Variants in SUSD6 observed in about 807,000 individuals in gnomAD.
SUSD6 encodes sushi domain-containing protein 6.
Under a neutral mutation model 28.4 loss-of-function variants are expected in SUSD6, and 16 were observed. The observed-to-expected ratio is 0.56, with a 90% confidence interval of 0.38 to 0.86. The LOEUF (loss-of-function observed/expected upper bound fraction) is 0.86. Ranked by LOEUF, SUSD6 falls within the 40% of genes least tolerant of loss-of-function variation. The pLI, the probability that SUSD6 is intolerant of heterozygous loss-of-function variation, is 0.00. For synonymous variants in SUSD6, 147 were observed against 159.6 expected (o/e 0.92, Z 0.59); for missense variants, 341 against 384.2 (o/e 0.89, Z 0.94).
At chr14:69,695,588 T>A (rs1017724289) in intron 2 of SUSD6, among the ~76,000 whole-genome samples, 3 of 152,182 alleles carry the variant, frequency 2.0e-5, no homozygotes, top group Non-Finnish European at 2.9e-5. Context: ...TGTGGCTCCC[T>A]TGACAGATTA....
intron 1 of SUSD6, among the ~76,000 whole-genome samples, chr14:69,617,862 G>T (rs1215546212): frequency 2.0e-5 from 3 of 152,190 alleles, no homozygotes; most frequent in Non-Finnish European, 4.4e-5. Context: ...TAGGGAGGAG[G>T]GAGAGGGTCT....
Position 69,711,119 on chromosome 14 carries a change from G to T in SUSD6, c.*140G>T. 1.3e-6 allele frequency: 1 copy of T among 752,508 alleles called. No individual in the cohort carries two copies. The highest frequency in any genetic ancestry group is 2.3e-6 in the Non-Finnish European group (1 of 442,084). The allele number at this position is 752,508 out of a possible 1,614,324, so 46.6% of individuals were successfully genotyped here. A position where few individuals can be genotyped will look rare whatever the true frequency, so the allele number is the denominator to read the frequency against. ...CCTGTGTATCTGTGTATCTCTGAGG[G>T]CCCTATAGGCCCACCTTGCTGGAAA... On this transcript the variant is annotated 3_prime_UTR_variant, in exon 6 of 6. Transcript: ENST00000342745.
chr14:69,708,758 T>C lies in SUSD6; in HGVS notation c.540T>C (p.Ala180=), dbSNP rs763439003. ...TTGCACTACCATCATACGAGGAGGC[T>C]GTATATGGCAGTTCTGGTCACTGTG... ...VQVALPSYEE[A]VYGSSGHCVP... is the part of the protein sequence containing the mutation. Residue 180 remains alanine, a synonymous_variant, in exon 5 of 6, where the codon GCT becomes GCC. Transcript: ENST00000342745. 1.2e-6 allele frequency: 2 copies of C among 1,613,678 alleles called. No homozygotes were observed. The highest frequency in any genetic ancestry group is 2.7e-5 in the African/African-American group (2 of 74,914).
At chr14:69,664,168 G>A (rs1885704546) in intron 2 of SUSD6, among the ~76,000 whole-genome samples, 1 of 152,062 alleles carries the variant, frequency 6.6e-6, no homozygotes, top group African/African-American at 2.4e-5. Flanking sequence ...TTTTGGTGGA[G>A]ATGGGGTTTC....
rs995232268 is a variant in SUSD6 at position 69,713,175 on chromosome 14, T to G, written c.*2196T>G. 6.6e-6 allele frequency: 1 copy of G among 152,242 alleles called. No individual in the cohort carries two copies. Among genetic ancestry groups the G allele is most frequent in the African/African-American group, 2.4e-5 (1 of 41,460 alleles). 9.4% of individuals were successfully genotyped at this position (152,242 alleles called of 1,614,324 possible). A position where few individuals can be genotyped will look rare whatever the true frequency, so the allele number is the denominator to read the frequency against. ...CTGGGGTTTTGTCCCCCTAAGAGAT[T>G]GCACTTTTTGTTTGGGGTTTATTCA... On this transcript the variant is annotated 3_prime_UTR_variant, in exon 6 of 6. Transcript: ENST00000342745.
intron 1 of SUSD6, 52 bp from the exon 2 acceptor site, chr14:69,658,461 A>T (rs1595045113): frequency 2.1e-6 from 2 of 931,744 alleles, no homozygotes; most frequent in South Asian, 1.8e-5. Flanking sequence ...GGCTGCTTTT[A>T]ACTAACTTAT....
intron 2 of SUSD6, among the ~76,000 whole-genome samples, chr14:69,697,694 T>C (rs1397759663): frequency 6.6e-6 from 1 of 152,230 alleles, no homozygotes; most frequent in East Asian, 1.9e-4. Flanking sequence ...TTTCCATCCA[T>C]TCCTTCCTCC....
At chr14:69,661,690 A>C (rs531988344) in intron 2 of SUSD6, among the ~76,000 whole-genome samples, 122 of 152,326 alleles carry the variant, frequency 8.0e-4, no homozygotes, top group African/African-American at 2.6e-3. Flanking sequence ...GCCTGGCATA[A>C]GCAGCATGCC....
At chr14:69,668,016 TC>T (rs1885770648) in intron 2 of SUSD6, among the ~76,000 whole-genome samples, 1 of 152,230 alleles carries the variant, frequency 6.6e-6, no homozygotes, top group African/African-American at 2.4e-5. Context: ...CATAGGATGA[TC>T]CAGAATCATG....
chr14:69,701,904 G>A (rs1351959808), intron 2 of SUSD6, among the ~76,000 whole-genome samples: 4 of 152,162 alleles, frequency 2.6e-5, no homozygotes, highest in Non-Finnish European at 5.9e-5. Flanking sequence ...AGGGTAGGGA[G>A]CCATCATCTC....
intron 1 of SUSD6, among the ~76,000 whole-genome samples, chr14:69,652,513 T>C (rs1205105312): frequency 6.6e-6 from 1 of 152,202 alleles, no homozygotes; most frequent in Admixed American, 6.5e-5. Flanking sequence ...AGTCTGACTT[T>C]ACCCACGCAG....
chr14:69,671,826 C>T (rs1015546420), intron 2 of SUSD6, among the ~76,000 whole-genome samples: 5 of 152,166 alleles, frequency 3.3e-5, no homozygotes, highest in African/African-American at 1.2e-4. Flanking sequence ...TTTCTTGGTG[C>T]TATTGTTCTC....
chr14:69,656,186 TTCCCTCCC>T (rs1173965891), intron 1 of SUSD6, among the ~76,000 whole-genome samples: 8 of 149,532 alleles, frequency 5.4e-5, no homozygotes, highest in Non-Finnish European at 1.0e-4. Context: ...TCCTCCATTC[TTCCCTCCC>T]TCCCTCCCTC....
chr14:69,675,396 C>A (rs558720001), intron 2 of SUSD6, among the ~76,000 whole-genome samples: 146 of 152,322 alleles, frequency 9.6e-4, no homozygotes, highest in African/African-American at 3.4e-3. Context: ...GTGTTCCCAG[C>A]ACCTCCTCCT....
intron 1 of SUSD6, among the ~76,000 whole-genome samples, chr14:69,625,035 G>T (rs1046397165): frequency 2.5e-4 from 38 of 152,312 alleles, no homozygotes; most frequent in African/African-American, 8.7e-4. Context: ...AAAAAGATAG[G>T]TATGTGTCTG....
At chr14:69,668,642 A>G (rs887622074) in intron 2 of SUSD6, among the ~76,000 whole-genome samples, 10 of 151,474 alleles carry the variant, frequency 6.6e-5, no homozygotes, top group African/African-American at 2.4e-4. Flanking sequence ...TCTCAAAAAA[A>G]AAAAAAGAAA....
At position 69,711,142 on chromosome 14, in the gene SUSD6, A is replaced by G. The variant is rs1223281745; in HGVS notation, c.*163A>G. The G allele has an allele frequency of 6.1e-6, 4 of 653,236 alleles. No homozygotes were observed. In the Admixed American group the frequency reaches 1.1e-4, roughly 18 times the overall value. The allele number at this position is 653,236 out of a possible 1,614,324, so 40.5% of individuals were successfully genotyped here. A position where few individuals can be genotyped will look rare whatever the true frequency, so the allele number is the denominator to read the frequency against. ...GGGCCCTATAGGCCCACCTTGCTGGAAACTCAAGGAAGATTCTCGCCATCT... is the reference window on the plus strand; with the variant it reads ...GGGCCCTATAGGCCCACCTTGCTGGGAACTCAAGGAAGATTCTCGCCATCT... On this transcript the variant is annotated 3_prime_UTR_variant, in exon 6 of 6. Transcript: ENST00000342745.
intron 2 of SUSD6, among the ~76,000 whole-genome samples, chr14:69,693,592 A>G (rs1358690221): frequency 6.6e-6 from 1 of 152,242 alleles, no homozygotes; most frequent in Non-Finnish European, 1.5e-5. Flanking sequence ...GCCCATTCCA[A>G]AAATCAGAGA....
At chr14:69,687,628 A>G (rs957091160) in intron 2 of SUSD6, among the ~76,000 whole-genome samples, 4 of 152,240 alleles carry the variant, frequency 2.6e-5, no homozygotes, top group Admixed American at 6.5e-5. Context: ...TTTAAACGAC[A>G]AAGTTTTTAA....
Sources: allele counts gnomAD v4.1 joint callset (sites outside exome capture counted in the v4.1 genomes callset), GRCh38; gene constraint gnomAD v4.1.1; transcripts MANE v1.5; gene names NCBI Gene and HGNC (gene_info 2026-07-23, HGNC 2026-07-21).